Variants in ELAVL2 observed in about 807,000 individuals in gnomAD.
The protein encoded by ELAVL2 is ELAV-like protein 2.
ELAVL2 carries 4 observed loss-of-function variants against 34.6 expected under a neutral mutation model. The observed-to-expected ratio is 0.12, with a 90% CI of 0.06 to 0.26. The LOEUF is 0.26. Among genes scored for constraint, ELAVL2 ranks in the 10% least tolerant of loss-of-function variants. ELAVL2 has a pLI of 1.00. For missense variants in ELAVL2, 432 were observed against 442.8 expected (o/e 0.98, Z 0.22); for synonymous variants, 193 against 154.8 (o/e 1.25, Z -1.83).
chr9:23,696,302 G>A (rs1315366965), intron 5 of ELAVL2, among the ~76,000 whole-genome samples: 1 of 152,026 alleles, frequency 6.6e-6, no homozygotes, highest in Non-Finnish European at 1.5e-5. Context: ...AAGGCAACGG[G>A]TGCTCTACAT....
chr9:23,709,740 A>G (rs2040426070), intron 3 of ELAVL2, among the ~76,000 whole-genome samples: 1 of 152,146 alleles, frequency 6.6e-6, no homozygotes, highest in African/African-American at 2.4e-5. Context: ...TGGATTTTAA[A>G]TTTTCACTGC....
intron 1 of ELAVL2, among the ~76,000 whole-genome samples, chr9:23,786,800 AAAAGAGAG>A (rs1302435700): frequency 2.7e-5 from 4 of 146,576 alleles, no homozygotes; most frequent in African/African-American, 9.9e-5. Context: ...AAAAAAAAAA[AAAAGAGAG>A]AGAGAGAAAG....
intron 2 of ELAVL2, among the ~76,000 whole-genome samples, chr9:23,740,000 G>C (rs1426118614): frequency 6.6e-6 from 1 of 152,060 alleles, no homozygotes; most frequent in Non-Finnish European, 1.5e-5. Flanking sequence ...TATAAAATTA[G>C]ACTCTAACAA....
At chr9:23,774,233 A>C (rs13296907) in intron 1 of ELAVL2, among the ~76,000 whole-genome samples, 1 of 147,096 alleles carries the variant, frequency 6.8e-6, no homozygotes, top group Non-Finnish European at 1.5e-5. Context: ...AAAAAAAAAA[A>C]AAAAAGAAAG....
chr9:23,830,576 G>A (rs544594022), upstream of ELAVL2, among the ~76,000 whole-genome samples: 4 of 131,026 alleles, frequency 3.1e-5, no homozygotes, highest in East Asian at 6.6e-4. Context: ...AGCCTAGGTT[G>A]GTTCTCCCTT....
At chr9:23,819,970 C>T (rs574993724) in intron 1 of ELAVL2, among the ~76,000 whole-genome samples, 12 of 152,276 alleles carry the variant, frequency 7.9e-5, no homozygotes, top group African/African-American at 2.9e-4. Flanking sequence ...AAGAAGGCCC[C>T]TACCACAAAT....
rs1191768202 is a variant in ELAVL2, at chr9:23,691,249, G to A, written c.*1308C>T. 2 of 152,482 alleles carry A rather than the reference G, an allele frequency of 1.3e-5. No homozygotes were observed. Among genetic ancestry groups the A allele is most frequent in the South Asian group, 2.1e-4 (1 of 4,832 alleles). The allele number at this position is 152,482 out of a possible 1,614,324, so 9.4% of individuals were successfully genotyped here. A position where few individuals can be genotyped will look rare whatever the true frequency, so the allele number is the denominator to read the frequency against. Reference sequence around the variant, plus strand: ...TCAAAACCTGAACATCACTTGGCATGTAAGGGAAAAAAAATTAAATTAGCT... The same window carrying A: ...TCAAAACCTGAACATCACTTGGCATATAAGGGAAAAAAAATTAAATTAGCT... On this transcript the variant is annotated 3_prime_UTR_variant, in exon 7 of 7. Transcript: ENST00000397312.
At chr9:23,761,421 A>C (rs962954086) in intron 2 of ELAVL2, among the ~76,000 whole-genome samples, 4 of 152,044 alleles carry the variant, frequency 2.6e-5, no homozygotes, top group Non-Finnish European at 5.9e-5. Context: ...TAATATTCAA[A>C]ATGTACTATA....
intron 1 of ELAVL2, among the ~76,000 whole-genome samples, chr9:23,797,591 G>GGT (rs779708464): frequency 1.4e-4 from 22 of 152,298 alleles, no homozygotes; most frequent in East Asian, 5.8e-4. Flanking sequence ...AAGGACACCA[G>GGT]GTGTACGATT....
intron 3 of ELAVL2, among the ~76,000 whole-genome samples, chr9:23,726,483 CT>C (rs1377119010): frequency 6.6e-6 from 1 of 151,932 alleles, no homozygotes; most frequent in Non-Finnish European, 1.5e-5. Context: ...GGGGTCAGAA[CT>C]TACCAATAAC....
chr9:23,803,514 C>CT (rs1166413444), intron 1 of ELAVL2, among the ~76,000 whole-genome samples: 3 of 152,152 alleles, frequency 2.0e-5, no homozygotes, highest in Non-Finnish European at 4.4e-5. Context: ...TGCGTTCCTC[C>CT]TCAAGGCCCC....
At chr9:23,773,192 A>G (rs1025928723) in intron 1 of ELAVL2, among the ~76,000 whole-genome samples, 2 of 152,232 alleles carry the variant, frequency 1.3e-5, no homozygotes, top group Non-Finnish European at 2.9e-5. Context: ...AATCTGCTAC[A>G]TAAGAATGTA....
intron 1 of ELAVL2, among the ~76,000 whole-genome samples, chr9:23,802,316 C>T (rs2137688718): frequency 6.6e-6 from 1 of 152,294 alleles, no homozygotes; most frequent in South Asian, 2.1e-4. Context: ...CTACAAGGGA[C>T]TTCCAAACGC....
chr9:23,720,839 A>C (rs1408836049), intron 3 of ELAVL2, among the ~76,000 whole-genome samples: 1 of 152,162 alleles, frequency 6.6e-6, no homozygotes, highest in Non-Finnish European at 1.5e-5. Context: ...CTTAAGAATC[A>C]CCTGTGGTGG....
chr9:23,747,173 C>T (rs1359751168), intron 2 of ELAVL2, among the ~76,000 whole-genome samples: 5 of 146,924 alleles, frequency 3.4e-5, no homozygotes, highest in Admixed American at 1.4e-4. Context: ...TTTTTTTTTC[C>T]GATCTGTTAA....
At chr9:23,796,812 C>T (rs1785793739) in intron 1 of ELAVL2, among the ~76,000 whole-genome samples, 1 of 152,162 alleles carries the variant, frequency 6.6e-6, no homozygotes, top group Non-Finnish European at 1.5e-5. Flanking sequence ...TGCCCTTCGT[C>T]CTTTGTATAG....
chr9:23,707,035 C>G (rs2039543711), intron 3 of ELAVL2, among the ~76,000 whole-genome samples: 1 of 152,200 alleles, frequency 6.6e-6, no homozygotes, highest in East Asian at 1.9e-4. Context: ...TAGCACTGTC[C>G]TGTTCTACAG....
intron 3 of ELAVL2, among the ~76,000 whole-genome samples, chr9:23,728,153 G>A (rs2045699041): frequency 6.6e-6 from 1 of 151,962 alleles, no homozygotes; most frequent in Admixed American, 6.6e-5. Flanking sequence ...TGTGGACAGA[G>A]AACAGTGCTT....
chr9:23,699,156 A>C (rs2133029445), intron 5 of ELAVL2, among the ~76,000 whole-genome samples: 1 of 152,368 alleles, frequency 6.6e-6, no homozygotes, highest in Non-Finnish European at 1.5e-5. Context: ...AAGATAATTA[A>C]ATTTGACCAT....
Sources: gnomAD v4.1 joint callset for allele counts (sites outside exome capture counted in the v4.1 genomes callset) on GRCh38, gnomAD v4.1.1 for gene constraint, MANE v1.5 for transcripts, NCBI Gene and HGNC (gene_info 2026-07-23, HGNC 2026-07-21) for gene names.